Variants in RAPGEF2 observed in about 807,000 individuals in gnomAD.
The protein encoded by RAPGEF2 is PDZ domain containing guanine nucleotide exchange factor (GEF) 1.
Under a neutral mutation model 186.7 loss-of-function variants are expected in RAPGEF2, and 54 were observed. The ratio of observed to expected loss-of-function variants is 0.29; its 90% CI spans 0.23 to 0.36. The LOEUF (loss-of-function observed/expected upper bound fraction) is 0.36. Ranked by LOEUF, RAPGEF2 falls within the 10% of genes least tolerant of loss-of-function variation. RAPGEF2 has a pLI of 1.00. For missense variants in RAPGEF2, 1,532 were observed against 2,045.0 expected (o/e 0.75, Z 4.84); for synonymous variants, 712 against 705.9 (o/e 1.01, Z -0.14).
chr4:159,207,288 C>T (rs7692595), intron 3 of RAPGEF2, among the ~76,000 whole-genome samples: 74,266 of 152,064 alleles, frequency 0.49, 20,080 homozygotes, highest in African/African-American at 0.73. Flanking sequence ...GGCTAATCGA[C>T]GGGTGGTAAG....
intron 7 of RAPGEF2, among the ~76,000 whole-genome samples, chr4:159,273,678 CTTTCTT>C (rs1017159934): frequency 1.2e-4 from 17 of 146,480 alleles, no homozygotes; most frequent in Non-Finnish European, 2.6e-4. Context: ...TTCTTTCTTT[CTTTCTT>C]TCTTTCTTTC....
intron 26 of RAPGEF2, 195 bp from the exon 27 acceptor site, chr4:159,352,490 G>A (rs1731333052): frequency 1.1e-5 from 6 of 527,090 alleles, no homozygotes; most frequent in African/African-American, 3.8e-5. Context: ...TCTAAACTTC[G>A]ATTAAACAAC....
rs1553991869 is a variant in RAPGEF2, at chr4:159,104,553, A to AGAGGGAGAGAGTGTGTGT, written c.69+323_69+324insAGGGAGAGAGTGTGTGTG. On this transcript the variant is annotated intron_variant, in intron 1 of 29. Coordinates refer to ENST00000691494, the MANE Select transcript of RAPGEF2 (RefSeq NM_001394067.2). ...GAGAGACAGAGAGAGAGAGAGAGAG[A>AGAGGGAGAGAGTGTGTGT]GTGTGTGTGTGTGTGTGTATGTGTG... Among the ~76,000 whole-genome samples the AGAGGGAGAGAGTGTGTGT allele has an allele frequency of 5.4e-4, 74 of 136,090 alleles. 1 individual carries two copies. The highest frequency in any genetic ancestry group is 2.0e-3 in the African/African-American group (70 of 34,196). 89.3% of individuals were successfully genotyped at this position (136,090 alleles called of 152,430 possible).
intron 7 of RAPGEF2, among the ~76,000 whole-genome samples, chr4:159,303,207 G>A (rs763570619): frequency 1.3e-5 from 2 of 152,048 alleles, no homozygotes; most frequent in Non-Finnish European, 2.9e-5. Flanking sequence ...GATCATTGTC[G>A]TAAATCCAAA....
In RAPGEF2 at chr4:159,160,385, A is replaced by T. The variant is rs1429259655; in HGVS notation, c.70-26257A>T. On this transcript the variant is annotated intron_variant, in intron 1 of 29. Transcript: ENST00000691494. The stretch of plus-strand genomic sequence containing the variant: ...CACATTATACAGATGAGGACAGTTG[A>T]TATACTTTGCCTAAGGTCATACATT... Among the ~76,000 whole-genome samples the T allele has an allele frequency of 2.0e-5, 3 of 152,234 alleles. No homozygotes were observed. The East Asian group carries it at 5.8e-4, about 29-fold the overall frequency.
intron 26 of RAPGEF2, among the ~76,000 whole-genome samples, chr4:159,350,817 C>A (rs1449959642): frequency 6.6e-6 from 1 of 152,190 alleles, no homozygotes; most frequent in Non-Finnish European, 1.5e-5. Context: ...CATAACTCTT[C>A]AGGCTACTTC....
chr4:159,174,906 G>A lies in RAPGEF2; in HGVS notation c.70-11736G>A, dbSNP rs1454993408. Among the ~76,000 whole-genome samples, 3 of 152,108 alleles carry A rather than the reference G, an allele frequency of 2.0e-5. No homozygotes were observed. In the East Asian group the frequency reaches 5.8e-4, roughly 29 times the overall value. ...CCAGTAACTGGGACCACAGGTGCTC[G>A]TCACCACACCTGGCTAATTTTGTTT... On this transcript the variant is annotated intron_variant, in intron 1 of 29. Transcript: ENST00000691494.
intron 1 of RAPGEF2, among the ~76,000 whole-genome samples, chr4:159,144,062 A>T (rs1742642863): frequency 1.3e-5 from 2 of 151,794 alleles, no homozygotes; most frequent in South Asian, 4.2e-4. Context: ...CGTGTAAAGA[A>T]CTCTTTTCCT....
intron 8 of RAPGEF2, among the ~76,000 whole-genome samples, chr4:159,311,561 G>T (rs901879749): frequency 2.6e-5 from 4 of 152,156 alleles, no homozygotes; most frequent in Non-Finnish European, 4.4e-5. Context: ...GTAAGAAGTT[G>T]TATCTACAGT....
intron 1 of RAPGEF2, among the ~76,000 whole-genome samples, chr4:159,145,789 G>T (rs1289744516): frequency 2.0e-5 from 3 of 152,202 alleles, no homozygotes; most frequent in African/African-American, 7.2e-5. Context: ...GGTACCAAGG[G>T]CTGAGCAGAT....
intron 1 of RAPGEF2, among the ~76,000 whole-genome samples, chr4:159,169,173 T>C (rs1262563057): frequency 4.4e-4 from 55 of 125,202 alleles, no homozygotes; most frequent in Admixed American, 4.3e-3. Flanking sequence ...TGAACAGATT[T>C]TGGAACCCCC....
chr4:159,318,168 C>T (rs1368478145), intron 9 of RAPGEF2, among the ~76,000 whole-genome samples: 2 of 152,048 alleles, frequency 1.3e-5, no homozygotes, highest in Admixed American at 6.6e-5. Context: ...ATCAAAGATA[C>T]ATTTATTTAA....
intron 7 of RAPGEF2, among the ~76,000 whole-genome samples, chr4:159,259,353 C>T (rs1260904920): frequency 6.6e-6 from 1 of 152,190 alleles, no homozygotes; most frequent in African/African-American, 2.4e-5. Flanking sequence ...TGTCCAATAT[C>T]CAGAAATGAT....
intron 1 of RAPGEF2, among the ~76,000 whole-genome samples, chr4:159,170,302 A>T (rs1450673583): frequency 6.6e-6 from 1 of 152,076 alleles, no homozygotes; most frequent in Non-Finnish European, 1.5e-5. Context: ...TTTGTATATT[A>T]ACCCCCTATC....
Position 159,292,388 on chromosome 4 carries a change from T to C in RAPGEF2, c.544-11954T>C, listed in dbSNP as rs147309684. 5.7e-3 allele frequency among the ~76,000 whole-genome samples: 862 copies of C among 152,300 alleles called. 6 individuals carry two copies. The highest frequency in any genetic ancestry group is 0.019 in the African/African-American group (779 of 41,554). On this transcript the variant is annotated intron_variant, in intron 7 of 29. Transcript: ENST00000691494. ...GGGTCAGGCCTTCATTCCATTCATATCTTGTACTCAGATGTTACCTAAGCA... is the reference window on the plus strand; with the variant it reads ...GGGTCAGGCCTTCATTCCATTCATACCTTGTACTCAGATGTTACCTAAGCA...
intron 4 of RAPGEF2, among the ~76,000 whole-genome samples, chr4:159,220,119 G>A (rs530839667): frequency 6.6e-6 from 1 of 152,312 alleles, no homozygotes; most frequent in African/African-American, 2.4e-5. Flanking sequence ...GGCAGAGCTG[G>A]TTGAGGAGAC....
intron 1 of RAPGEF2, among the ~76,000 whole-genome samples, chr4:159,167,350 G>A (rs76990701): frequency 0.015 from 2,333 of 152,264 alleles, 65 homozygotes; most frequent in African/African-American, 0.053. Context: ...GGGAATTGTG[G>A]TGGTTTGTAA....
intron 7 of RAPGEF2, among the ~76,000 whole-genome samples, chr4:159,254,982 A>G (rs978336936): frequency 5.3e-5 from 8 of 152,210 alleles, no homozygotes; most frequent in Non-Finnish European, 1.0e-4. Context: ...TGGTCCTGTA[A>G]GATGAAGTAC....
intron 26 of RAPGEF2, among the ~76,000 whole-genome samples, chr4:159,350,836 A>T (rs1731070820): frequency 6.6e-6 from 1 of 152,116 alleles, no homozygotes; most frequent in African/African-American, 2.4e-5. Flanking sequence ...TCCTCCTCCT[A>T]CCCTTTTAAC....
Sources: gnomAD v4.1 joint callset for allele counts (sites outside exome capture counted in the v4.1 genomes callset) on GRCh38, gnomAD v4.1.1 for gene constraint, MANE v1.5 for transcripts, NCBI Gene and HGNC (gene_info 2026-07-23, HGNC 2026-07-21) for gene names.